Variants in HHAT observed in about 807,000 individuals in gnomAD.
HHAT encodes the protein hedgehog acyltransferase.
A neutral mutation model predicts 70.8 loss-of-function variants in HHAT; 47 were observed. The ratio of observed to expected loss-of-function variants is 0.66; its 90% CI spans 0.53 to 0.85. HHAT has a LOEUF of 0.85. HHAT is among the 40% of genes least tolerant of loss of function. The pLI, the probability that HHAT is intolerant of heterozygous loss-of-function variation, is 0.00. For synonymous variants in HHAT, 228 were observed against 247.6 expected, an observed-to-expected ratio of 0.92 and a Z score of 0.74; for missense variants, 609 against 604.8, an observed-to-expected ratio of 1.01 and a Z score of -0.07.
At chr1:210,515,553 C>T (rs1484997692) in intron 9 of HHAT, among the ~76,000 whole-genome samples, 7 of 148,860 alleles carry the variant, frequency 4.7e-5, no homozygotes, top group Non-Finnish European at 3.0e-5. Flanking sequence ...GTCAGGAGAT[C>T]GAGACCATCC....
intron 9 of HHAT, among the ~76,000 whole-genome samples, chr1:210,557,578 G>A (rs1293685133): frequency 6.6e-6 from 1 of 152,184 alleles, no homozygotes; most frequent in Non-Finnish European, 1.5e-5. Flanking sequence ...AGTTCCACAT[G>A]GTTGAGGAGG....
At chr1:210,601,342 G>T (rs1364006238) in intron 10 of HHAT, among the ~76,000 whole-genome samples, 1 of 152,102 alleles carries the variant, frequency 6.6e-6, no homozygotes, top group South Asian at 2.1e-4. Context: ...TTCGTTAGGG[G>T]TCAGTAGTCC....
chr1:210,496,438 ATTCTC>A (rs2094645698), intron 8 of HHAT, among the ~76,000 whole-genome samples: 1 of 152,164 alleles, frequency 6.6e-6, no homozygotes, highest in South Asian at 2.1e-4. Flanking sequence ...ATCAACTCTG[ATTCTC>A]TTCTCTTCTG....
intron 9 of HHAT, among the ~76,000 whole-genome samples, chr1:210,575,047 G>A (rs1207094842): frequency 1.3e-5 from 2 of 152,154 alleles, no homozygotes; most frequent in Admixed American, 1.3e-4. Context: ...TGTCCAAGAT[G>A]GTGGTAATTT....
At chr1:210,412,382 C>T (rs2092588687) in intron 6 of HHAT, among the ~76,000 whole-genome samples, 1 of 152,158 alleles carries the variant, frequency 6.6e-6, no homozygotes, top group South Asian at 2.1e-4. Context: ...AATCCAAAGT[C>T]TCATTTAAAT....
At chr1:210,331,252 G>A (rs961915330) in intron 1 of HHAT, among the ~76,000 whole-genome samples, 1 of 152,084 alleles carries the variant, frequency 6.6e-6, no homozygotes, top group African/African-American at 2.4e-5. Flanking sequence ...TCCCATCTGG[G>A]GGGGTGTGTT....
chr1:210,667,337 G>A (rs947931633), intron 11 of HHAT, among the ~76,000 whole-genome samples: 5 of 152,166 alleles, frequency 3.3e-5, no homozygotes, highest in Non-Finnish European at 7.4e-5. Flanking sequence ...AGCCAAGATC[G>A]TGCCATTGCA....
At chr1:210,458,377 G>A (rs2093913255) in intron 7 of HHAT, among the ~76,000 whole-genome samples, 1 of 152,158 alleles carries the variant, frequency 6.6e-6, no homozygotes, top group Admixed American at 6.5e-5. Context: ...TTGGTGCTAA[G>A]GAGATGAAAT....
chr1:210,551,265 G>A (rs2095525321), intron 9 of HHAT, among the ~76,000 whole-genome samples: 1 of 148,752 alleles, frequency 6.7e-6, no homozygotes, highest in South Asian at 2.2e-4. Flanking sequence ...GGAGAGAGGG[G>A]ATGTCCCAGC....
intron 8 of HHAT, among the ~76,000 whole-genome samples, chr1:210,476,706 G>A (rs1481170970): frequency 6.6e-6 from 1 of 152,142 alleles, no homozygotes; most frequent in Non-Finnish European, 1.5e-5. Flanking sequence ...CTTTAACACA[G>A]CCAGTGTTTT....
At chr1:210,383,289 G>A (rs187724441) in intron 3 of HHAT, among the ~76,000 whole-genome samples, 66 of 152,296 alleles carry the variant, frequency 4.3e-4, no homozygotes, top group African/African-American at 1.5e-3. Flanking sequence ...GCAGTGAGCC[G>A]AGGTTGTGCT....
At chr1:210,349,976 A>G (rs1184855935) in intron 2 of HHAT, among the ~76,000 whole-genome samples, 1 of 152,108 alleles carries the variant, frequency 6.6e-6, no homozygotes, top group Non-Finnish European at 1.5e-5. Context: ...GTGCACCACC[A>G]TGCCTGGCTT....
chr1:210,436,920 G>T (rs1042600338), intron 7 of HHAT, among the ~76,000 whole-genome samples: 2 of 151,838 alleles, frequency 1.3e-5, no homozygotes, highest in African/African-American at 4.9e-5. Flanking sequence ...TAGAATCATT[G>T]TTTCATCCCC....
At chr1:210,375,541 G>T (rs1371993455) in intron 3 of HHAT, among the ~76,000 whole-genome samples, 5 of 151,702 alleles carry the variant, frequency 3.3e-5, no homozygotes, top group African/African-American at 1.2e-4. Flanking sequence ...GTCCAGAGTT[G>T]GGTCTTTTTT....
At chr1:210,635,804 A>G (rs1297304610) in intron 11 of HHAT, among the ~76,000 whole-genome samples, 1 of 152,196 alleles carries the variant, frequency 6.6e-6, no homozygotes, top group Admixed American at 6.5e-5. Flanking sequence ...CTAGAATTTG[A>G]AAGGATATGC....
At chr1:210,407,056 C>A (rs1411881517) in intron 6 of HHAT, among the ~76,000 whole-genome samples, 2 of 151,916 alleles carry the variant, frequency 1.3e-5, no homozygotes, top group African/African-American at 4.8e-5. Context: ...AGATATAGGG[C>A]AAATTTAAAA....
At chr1:210,350,800 G>A (rs1168864762) in intron 2 of HHAT, among the ~76,000 whole-genome samples, 2 of 152,178 alleles carry the variant, frequency 1.3e-5, no homozygotes, top group East Asian at 1.9e-4. Context: ...TTGAAAAAGA[G>A]ATGAGAGGGC....
At chr1:210,471,200 G>A (rs537773493) in intron 8 of HHAT, among the ~76,000 whole-genome samples, 1 of 152,014 alleles carries the variant, frequency 6.6e-6, no homozygotes, top group Non-Finnish European at 1.5e-5. Context: ...GGCTGTAGGT[G>A]TACTGTACCA....
intron 8 of HHAT, among the ~76,000 whole-genome samples, chr1:210,509,782 C>T (rs994616866): frequency 1.3e-5 from 2 of 152,166 alleles, no homozygotes; most frequent in Non-Finnish European, 2.9e-5. Context: ...TCACATGATC[C>T]AAGGAAAGTG....
Sources: gnomAD v4.1 joint callset for allele counts (sites outside exome capture counted in the v4.1 genomes callset) on GRCh38, gnomAD v4.1.1 for gene constraint, MANE v1.5 for transcripts, NCBI Gene and HGNC (gene_info 2026-07-23, HGNC 2026-07-21) for gene names.